Variants in GABRB3 observed in about 807,000 individuals in gnomAD.
The protein encoded by GABRB3 is gamma-aminobutyric acid type A receptor subunit beta3.
GABRB3 carries 14 observed loss-of-function variants against 52.1 expected under a neutral mutation model. The ratio of observed to expected loss-of-function variants is 0.27; its 90% CI spans 0.18 to 0.42. GABRB3 has a LOEUF of 0.42. GABRB3 is among the 10% of genes least tolerant of loss of function. The pLI, the probability that GABRB3 is intolerant of heterozygous loss-of-function variation, is 1.00. For missense variants in GABRB3, 307 were observed against 609.1 expected (o/e 0.50, Z 5.22); for synonymous variants, 260 against 232.3 (o/e 1.12, Z -1.08).
intron 4 of GABRB3, among the ~76,000 whole-genome samples, chr15:26,591,990 A>G (rs1471959136): frequency 6.6e-6 from 1 of 152,218 alleles, no homozygotes; most frequent in Non-Finnish European, 1.5e-5. Context: ...TCCATCAGAC[A>G]GCACAAAAAT....
At chr15:26,737,953 A>G (rs1890106346) in intron 3 of GABRB3, among the ~76,000 whole-genome samples, 1 of 152,222 alleles carries the variant, frequency 6.6e-6, no homozygotes, top group Non-Finnish European at 1.5e-5. Context: ...ACAATGGGGC[A>G]CGAGTCCTTG....
At chr15:26,730,138 A>G (rs1362191553) in intron 3 of GABRB3, among the ~76,000 whole-genome samples, 1 of 152,200 alleles carries the variant, frequency 6.6e-6, no homozygotes, top group Non-Finnish European at 1.5e-5. Flanking sequence ...TGAGACATCT[A>G]GCAAATATTT....
chr15:26,594,318 G>A (rs966154033), intron 4 of GABRB3, among the ~76,000 whole-genome samples: 4 of 151,452 alleles, frequency 2.6e-5, no homozygotes, highest in Admixed American at 6.6e-5. Flanking sequence ...ATTATAATGC[G>A]GTCACTCTGA....
chr15:26,600,244 T>C (rs982343290), intron 4 of GABRB3, among the ~76,000 whole-genome samples: 5 of 151,906 alleles, frequency 3.3e-5, no homozygotes, highest in South Asian at 2.1e-4. Context: ...CTGGGTATCA[T>C]AGAACATCAT....
chr15:26,635,152 T>C (rs1893023981), intron 3 of GABRB3, among the ~76,000 whole-genome samples: 1 of 151,628 alleles, frequency 6.6e-6, no homozygotes, highest in African/African-American at 2.4e-5. Flanking sequence ...TCCAGTGATA[T>C]CATTCTTCCA....
At chr15:26,745,987 A>G (rs897683730) in intron 3 of GABRB3, among the ~76,000 whole-genome samples, 4 of 152,192 alleles carry the variant, frequency 2.6e-5, no homozygotes, top group Non-Finnish European at 5.9e-5. Context: ...GCTGGGTTGT[A>G]AGGTAACTGC....
At chr15:26,738,284 T>C (rs1016522128) in intron 3 of GABRB3, among the ~76,000 whole-genome samples, 94 of 152,184 alleles carry the variant, frequency 6.2e-4, no homozygotes, top group African/African-American at 2.2e-3. Flanking sequence ...GGTTTCACAA[T>C]GTTGGCCAGG....
chr15:26,697,331 T>G (rs1235892407), intron 3 of GABRB3, among the ~76,000 whole-genome samples: 1 of 152,236 alleles, frequency 6.6e-6, no homozygotes, highest in Non-Finnish European at 1.5e-5. Context: ...CTATATGTGC[T>G]TTTCTTTAAA....
intron 3 of GABRB3, among the ~76,000 whole-genome samples, chr15:26,712,734 G>C (rs928226721): frequency 2.6e-5 from 4 of 152,172 alleles, no homozygotes; most frequent in African/African-American, 9.7e-5. Flanking sequence ...AGAGAAAGAA[G>C]AAGCCAGGGC....
intron 6 of GABRB3, among the ~76,000 whole-genome samples, chr15:26,568,115 G>C (rs796503021): frequency 6.6e-6 from 1 of 152,328 alleles, no homozygotes; most frequent in Non-Finnish European, 1.5e-5. Flanking sequence ...GGGCAAGAAA[G>C]GCTTTTACCA....
chr15:26,658,390 T>C (rs1411056397), intron 3 of GABRB3: 1 of 152,196 alleles, frequency 6.6e-6, no homozygotes, highest in Admixed American at 6.5e-5. Context: ...AATTTCTGTA[T>C]CTCAATAAAT....
chr15:26,712,743 G>A (rs1310374603), intron 3 of GABRB3, among the ~76,000 whole-genome samples: 1 of 152,134 alleles, frequency 6.6e-6, no homozygotes, highest in African/African-American at 2.4e-5. Context: ...AGAAGCCAGG[G>A]CCCTGTGCCC....
chr15:26,658,654 A>G (rs1260700530), intron 3 of GABRB3: 1 of 152,220 alleles, frequency 6.6e-6, no homozygotes, highest in East Asian at 1.9e-4. Context: ...GTACATTTTA[A>G]AGGGATTCCT....
chr15:26,677,646 G>A (rs1466216936), intron 3 of GABRB3, among the ~76,000 whole-genome samples: 1 of 152,144 alleles, frequency 6.6e-6, no homozygotes, highest in Non-Finnish European at 1.5e-5. Context: ...GACAATTTAC[G>A]GTAAAGGGAA....
chr15:26,585,851 T>C (rs1459645285), intron 4 of GABRB3, among the ~76,000 whole-genome samples: 1 of 152,218 alleles, frequency 6.6e-6, no homozygotes, highest in East Asian at 1.9e-4. Context: ...AACTCTGGCA[T>C]GTGTTATGGC....
chr15:26,554,190 A>ATATATATATATATATATATAT (rs1567097853), intron 8 of GABRB3, among the ~76,000 whole-genome samples: 2 of 31,530 alleles, frequency 6.3e-5, no homozygotes, highest in Non-Finnish European at 1.3e-4. Flanking sequence ...ATATATATAT[A>ATATATATATATATATATATAT]CTATATATAT....
At chr15:26,679,337 A>G (rs891406624) in intron 3 of GABRB3, among the ~76,000 whole-genome samples, 2 of 152,106 alleles carry the variant, frequency 1.3e-5, no homozygotes, top group Admixed American at 1.3e-4. Context: ...CTACCTTTCT[A>G]AAATATCCTC....
rs535784899 is a variant in GABRB3 at position 26,706,026 on chromosome 15, CAT to C, written c.240+66374_240+66375del. Among the ~76,000 whole-genome samples, 134 of 152,282 alleles carry C rather than the reference CAT, an allele frequency of 8.8e-4. 1 individual carries two copies. The highest frequency in any genetic ancestry group is 2.4e-3 in the African/African-American group (101 of 41,562). ...AATATACCCTTGTAACAAACCTGCA[CAT>C]GTTTCCCCTGACTGTAAAGTTAAAA... On this transcript the variant is annotated intron_variant, in intron 3 of 8. Transcript: ENST00000311550.
At chr15:26,653,136 T>C (rs1438246762) in intron 3 of GABRB3, among the ~76,000 whole-genome samples, 1 of 152,160 alleles carries the variant, frequency 6.6e-6, no homozygotes, top group Non-Finnish European at 1.5e-5. Flanking sequence ...AACTTTAAAA[T>C]AAGATGGATA....
Sources: allele counts gnomAD v4.1 joint callset (sites outside exome capture counted in the v4.1 genomes callset), GRCh38; gene constraint gnomAD v4.1.1; transcripts MANE v1.5; gene names NCBI Gene and HGNC (gene_info 2026-07-23, HGNC 2026-07-21).